MCF2L2: variants seen among roughly 807,000 people sequenced by gnomAD.
MCF2L2 encodes probable guanine nucleotide exchange factor MCF2L2.
In MCF2L2, 102 loss-of-function variants were observed where a neutral mutation model predicts 150.2. That is an observed-to-expected ratio of 0.68 (90% confidence interval 0.58 to 0.80). The LOEUF (loss-of-function observed/expected upper bound fraction) is 0.80. Among genes scored for constraint, MCF2L2 ranks in the 30% least tolerant of loss-of-function variants. The probability of loss-of-function intolerance (pLI) is 0.00; values close to 1 mark genes in which losing one functional copy is unlikely to be tolerated. For synonymous variants in MCF2L2, 465 were observed against 491.3 expected (o/e 0.95, Z 0.71); for missense variants, 1,256 against 1,372.8 (o/e 0.91, Z 1.34).
At position 183,318,155 on chromosome 3, in the gene MCF2L2, G is replaced by A. The variant is rs756710813; in HGVS notation, c.666C>T (p.Ser222=). 13 of 1,614,086 alleles carry A rather than the reference G, an allele frequency of 8.1e-6. No homozygotes were observed. The East Asian group carries it at 2.0e-4, about 25-fold the overall frequency. Residue 222 remains serine, a synonymous_variant, in exon 7 of 30, where the codon TCC becomes TCT. Transcript: ENST00000328913. ...TTAQMLQTFG[S]CLATAELPRS... Reference sequence around the variant, plus strand: ...TGGGCAGCTCTGCTGTGGCCAGGCAGGACCCAAACGTCTGCAGCATCTGGG... The same window carrying A: ...TGGGCAGCTCTGCTGTGGCCAGGCAAGACCCAAACGTCTGCAGCATCTGGG...
chr3:183,311,001 T>TTA lies in MCF2L2; in HGVS notation c.906_907insTA (p.Lys303Ter). The TTA allele has an allele frequency of 6.2e-7, 1 of 1,613,472 alleles. No homozygotes were observed. The highest frequency in any genetic ancestry group is 8.5e-7 in the Non-Finnish European group (1 of 1,179,376). ...TCAGACCAAAAGTGACTAAAGGCTTTTTCTGTTTCATCCAGTTGAACTAAT... is the reference window on the plus strand; with the variant it reads ...TCAGACCAAAAGTGACTAAAGGCTTTTATTCTGTTTCATCCAGTTGAACTAAT... On this transcript the variant is annotated frameshift_variant, in exon 9 of 30. Transcript: ENST00000328913. LOFTEE classifies it high-confidence loss of function.
At position 183,294,619 on chromosome 3, in the gene MCF2L2, A is replaced by G. The variant is rs920032264; in HGVS notation, c.1675+681T>C. 1.1e-4 allele frequency among the ~76,000 whole-genome samples: 14 copies of G among 131,376 alleles called. 1 individual carries two copies. In the South Asian group the frequency reaches 1.9e-3, roughly 17 times the overall value. 86.2% of individuals were successfully genotyped at this position (131,376 alleles called of 152,430 possible). On this transcript the variant is annotated intron_variant, in intron 13 of 29. Transcript: ENST00000328913. ...TGTGTATGTGTGTGTGTGTGTGTATATATATATATATATATTTTTTTTTTT... is the reference window on the plus strand; with the variant it reads ...TGTGTATGTGTGTGTGTGTGTGTATGTATATATATATATATTTTTTTTTTT...
intron 1 of MCF2L2, among the ~76,000 whole-genome samples, chr3:183,403,859 G>C (rs1043574889): frequency 4.6e-5 from 7 of 152,206 alleles, no homozygotes; most frequent in Non-Finnish European, 2.9e-5. Flanking sequence ...TGTCTTTTAA[G>C]ATGAGAGGTA....
intron 3 of MCF2L2, among the ~76,000 whole-genome samples, chr3:183,355,129 C>A (rs1238121219): frequency 1.3e-5 from 2 of 150,918 alleles, no homozygotes; most frequent in African/African-American, 4.9e-5. Context: ...GATCCCATCC[C>A]CTCCACACAC....
In MCF2L2 at chr3:183,318,231, C is replaced by T. The variant is rs1252435783; in HGVS notation, c.604-14G>A. ...GTTTTCGATGGCCTGGAAGGTCAGA[C>T]AATTGTAACAATATGGAGAGATTAA... On this transcript the variant is annotated splice_polypyrimidine_tract_variant and intron_variant, in intron 6 of 29. Transcript: ENST00000328913. 2 of 1,614,044 alleles carry T rather than the reference C, an allele frequency of 1.2e-6. No homozygotes were observed. The highest frequency in any genetic ancestry group is 2.2e-5 in the East Asian group (1 of 44,876).
intron 1 of MCF2L2, among the ~76,000 whole-genome samples, chr3:183,410,435 T>C (rs1715265087): frequency 2.0e-5 from 3 of 152,210 alleles, no homozygotes; most frequent in South Asian, 4.1e-4. Context: ...CAGGGACCCA[T>C]GGGTGACTCA....
chr3:183,206,310 C>T (rs1171128379), intron 23 of MCF2L2, 96 bp from the exon 24 acceptor site: 3 of 915,980 alleles, frequency 3.3e-6, no homozygotes, highest in Non-Finnish European at 5.3e-6. Context: ...TCCTTGACAG[C>T]TCTCTTCTTT....
intron 19 of MCF2L2, 70 bp from the exon 20 acceptor site, chr3:183,223,508 T>C: frequency 8.2e-7 from 1 of 1,215,318 alleles, no homozygotes; most frequent in South Asian, 1.2e-5. Flanking sequence ...TGGCAGCATT[T>C]AGGTACAAAA....
chr3:183,223,225 G>T, intron 20 of MCF2L2, 121 bp downstream of exon 20: 1 of 682,446 alleles, frequency 1.5e-6, no homozygotes, highest in Non-Finnish European at 2.6e-6. Context: ...AAAGCCTGCA[G>T]GATAGACGTA....
chr3:183,309,595 G>A (rs1729267523), intron 10 of MCF2L2, 121 bp downstream of exon 10: 5 of 1,276,474 alleles, frequency 3.9e-6, no homozygotes, highest in East Asian at 2.3e-5. Context: ...TGGGGTGACT[G>A]AAGGGCAGGA....
intron 12 of MCF2L2, 137 bp from the exon 13 acceptor site, chr3:183,295,614 A>G (rs1728456922): frequency 5.2e-6 from 4 of 773,360 alleles, no homozygotes; most frequent in South Asian, 3.3e-5. Flanking sequence ...GGGCATCACT[A>G]TGCAAGTCGC....
chr3:183,326,513 A>C (rs1184720365), intron 5 of MCF2L2, among the ~76,000 whole-genome samples: 46 of 136,182 alleles, frequency 3.4e-4, no homozygotes, highest in South Asian at 6.8e-4. Flanking sequence ...AAAAAAAAAA[A>C]AAACAAAAAA....
chr3:183,269,651 C>T, intron 15 of MCF2L2: 1 of 713,016 alleles, frequency 1.4e-6, no homozygotes. Flanking sequence ...CTAAAAGAAA[C>T]TATTTTGTAA....
At chr3:183,258,641 AC>A (rs536630992) in intron 15 of MCF2L2, among the ~76,000 whole-genome samples, 9 of 149,940 alleles carry the variant, frequency 6.0e-5, no homozygotes, top group Admixed American at 2.0e-4. Context: ...CCAGGACACC[AC>A]CCCCCCGCCC....
chr3:183,365,037 TAATA>T (rs1421733782), intron 3 of MCF2L2, among the ~76,000 whole-genome samples: 3 of 152,190 alleles, frequency 2.0e-5, no homozygotes, highest in Admixed American at 2.0e-4. Flanking sequence ...TATCTAAACT[TAATA>T]AAGACAGTAC....
At chr3:183,203,579 A>C (rs140592387) in intron 25 of MCF2L2, among the ~76,000 whole-genome samples, 151 of 152,296 alleles carry the variant, frequency 9.9e-4, no homozygotes, top group African/African-American at 3.5e-3. Flanking sequence ...AAATGAATAG[A>C]GCCTCAGAGA....
At chr3:183,289,662 C>T (rs748507669) in intron 13 of MCF2L2, among the ~76,000 whole-genome samples, 38 of 152,130 alleles carry the variant, frequency 2.5e-4, no homozygotes, top group Non-Finnish European at 4.9e-4. Context: ...TCGAGACCAG[C>T]CCGGCCAACA....
At chr3:183,262,041 A>T (rs116324997) in intron 15 of MCF2L2, among the ~76,000 whole-genome samples, 1 of 147,086 alleles carries the variant, frequency 6.8e-6, no homozygotes, top group Non-Finnish European at 1.5e-5. Flanking sequence ...AGTTTAAAAG[A>T]TATAAAGGAA....
At position 183,227,043 on chromosome 3, in the gene MCF2L2, CA is replaced by C. The variant is rs1207994223; in HGVS notation, c.2115+1253del. ...GGAGGCTTTGTTTGCTTCCAGTTATCATAAGTATTGCTCTCAGCCTCAGTCA... is the reference window on the plus strand; with the variant it reads ...GGAGGCTTTGTTTGCTTCCAGTTATCTAAGTATTGCTCTCAGCCTCAGTCA... On this transcript the variant is annotated intron_variant, in intron 18 of 29. Coordinates refer to ENST00000328913, the MANE Select transcript of MCF2L2 (RefSeq NM_015078.4). This position sits in a 1 kb window ranked among gnomAD's most constrained non-coding sequence, Gnocchi z 4.0. 1 of 152,134 alleles carries C rather than the reference CA, an allele frequency of 6.6e-6. No homozygotes were observed. Among genetic ancestry groups the C allele is most frequent in the Non-Finnish European group, 1.5e-5 (1 of 68,020 alleles). 9.4% of individuals were successfully genotyped at this position (152,134 alleles called of 1,614,324 possible).
Sources: allele counts gnomAD v4.1 joint callset (sites outside exome capture counted in the v4.1 genomes callset), GRCh38; gene constraint gnomAD v4.1.1; non-coding constraint Gnocchi (gnomAD v3.1); transcripts MANE v1.5; gene names NCBI Gene and HGNC (gene_info 2026-07-23, HGNC 2026-07-21).